EFHD1: variants seen among roughly 807,000 people sequenced by gnomAD.
EFHD1 encodes the protein EF-hand domain family member D1.
Under a neutral mutation model 17.2 loss-of-function variants are expected in EFHD1, and 10 were observed. The observed-to-expected ratio is 0.58, with a 90% CI of 0.36 to 0.99. The LOEUF (loss-of-function observed/expected upper bound fraction) is 0.99. EFHD1 is among the 50% of genes least tolerant of loss of function. The probability of loss-of-function intolerance (pLI) is 0.01; values close to 1 mark genes in which losing one functional copy is unlikely to be tolerated. For synonymous variants in EFHD1, 153 were observed against 142.0 expected (o/e 1.08, Z -0.55); for missense variants, 310 against 327.5 (o/e 0.95, Z 0.41).
intron 1 of EFHD1, among the ~76,000 whole-genome samples, chr2:232,613,701 CACAT>C (rs1439959568): frequency 2.8e-5 from 4 of 142,442 alleles, no homozygotes; most frequent in South Asian, 4.4e-4. Context: ...AATATACACA[CACAT>C]ACACACACAA....
intron 1 of EFHD1, among the ~76,000 whole-genome samples, chr2:232,624,569 A>G (rs1195202333): frequency 6.6e-6 from 1 of 152,256 alleles, no homozygotes; most frequent in Non-Finnish European, 1.5e-5. Context: ...CTGTGCTAAT[A>G]AAAGAGATGG....
intron 2 of EFHD1, among the ~76,000 whole-genome samples, chr2:232,666,398 G>T (rs1032373655): frequency 2.6e-5 from 4 of 152,228 alleles, no homozygotes; most frequent in Non-Finnish European, 2.9e-5. Flanking sequence ...AGTATAGAAG[G>T]CAGAGACTTT....
chr2:232,669,005 C>T (rs1339553166), intron 2 of EFHD1, among the ~76,000 whole-genome samples: 1 of 152,196 alleles, frequency 6.6e-6, no homozygotes, highest in Non-Finnish European at 1.5e-5. Context: ...TGCCTGTTCT[C>T]TTTGCCTCGT....
intron 1 of EFHD1, among the ~76,000 whole-genome samples, chr2:232,613,335 A>G (rs1217164673): frequency 6.6e-6 from 1 of 151,996 alleles, no homozygotes; most frequent in Non-Finnish European, 1.5e-5. Flanking sequence ...GAGGCAGAAG[A>G]ATCACTTGAA....
At chr2:232,656,609 T>A (rs115983761) in intron 1 of EFHD1, among the ~76,000 whole-genome samples, 214 of 152,006 alleles carry the variant, frequency 1.4e-3, no homozygotes, top group African/African-American at 4.7e-3. Flanking sequence ...CTAATTTTTT[T>A]ATATTTTTGA....
chr2:232,642,032 C>G (rs371019923), intron 1 of EFHD1, among the ~76,000 whole-genome samples: 121 of 152,318 alleles, frequency 7.9e-4, no homozygotes, highest in African/African-American at 2.4e-3. Flanking sequence ...GCTTGCCTTC[C>G]TATGGCTTCC....
At chr2:232,676,830 G>C (rs1487073913) in intron 3 of EFHD1, among the ~76,000 whole-genome samples, 1 of 152,034 alleles carries the variant, frequency 6.6e-6, no homozygotes, top group East Asian at 1.9e-4. Flanking sequence ...TGCTATTTTG[G>C]AGTACAGGAG....
intron 1 of EFHD1, among the ~76,000 whole-genome samples, chr2:232,609,100 C>T (rs1254238745): frequency 7.4e-6 from 1 of 135,862 alleles, no homozygotes; most frequent in Non-Finnish European, 1.6e-5. Context: ...TGCTCTGTCA[C>T]CCAGGCTGGA....
intron 1 of EFHD1, among the ~76,000 whole-genome samples, chr2:232,653,384 A>G (rs756604874): frequency 2.0e-5 from 3 of 151,960 alleles, no homozygotes; most frequent in Non-Finnish European, 4.4e-5. Flanking sequence ...TCCACCTCCC[A>G]GGTTCAAGCA....
chr2:232,609,854 G>A (rs780286031), intron 1 of EFHD1, among the ~76,000 whole-genome samples: 16 of 152,208 alleles, frequency 1.1e-4, no homozygotes, highest in Admixed American at 9.8e-4. Flanking sequence ...GACCCGGCCA[G>A]GGGAGTGGTG....
chr2:232,626,976 C>T (rs1045531749), intron 1 of EFHD1, among the ~76,000 whole-genome samples: 6 of 149,898 alleles, frequency 4.0e-5, no homozygotes, highest in African/African-American at 1.5e-4. Context: ...ACTTGAGCCC[C>T]AAGTTCAAGA....
intron 1 of EFHD1, among the ~76,000 whole-genome samples, chr2:232,647,107 T>TA (rs1225188816): frequency 6.6e-6 from 1 of 152,250 alleles, no homozygotes; most frequent in Non-Finnish European, 1.5e-5. Context: ...GACCACCTTC[T>TA]CAGGTTGTGC....
rs529839316 is a variant in EFHD1 at position 232,678,512 on chromosome 2, C to T, written c.586-3073C>T. 7.2e-5 allele frequency among the ~76,000 whole-genome samples: 11 copies of T among 152,192 alleles called. No individual in the cohort carries two copies. The East Asian group carries it at 1.2e-3, about 16-fold the overall frequency. ...ACGATAAAAGAATATTGGCCGGGCG[C>T]GGTGGCTCATGCCTGTAATCCTAGG... is the stretch of plus-strand genomic sequence containing the variant. On this transcript the variant is annotated intron_variant, in intron 3 of 3. Transcript: ENST00000264059.
intron 1 of EFHD1, among the ~76,000 whole-genome samples, chr2:232,621,801 A>G (rs959630727): frequency 1.3e-5 from 2 of 152,146 alleles, no homozygotes; most frequent in Non-Finnish European, 2.9e-5. Flanking sequence ...AGTTCAAAGA[A>G]GTTAAGTAAC....
Position 232,681,753 on chromosome 2 carries a change from C to T in EFHD1, c.*34C>T. 1 of 1,606,606 alleles carries T rather than the reference C, an allele frequency of 6.2e-7. No individual in the cohort carries two copies. The highest frequency in any genetic ancestry group is 8.5e-7 in the Non-Finnish European group (1 of 1,176,556). ...ACCTTGCCCTCTGCCCACAGCTGTGCCTCACAGATGCCCCGAGAAGAGATG... is the reference window on the plus strand; with the variant it reads ...ACCTTGCCCTCTGCCCACAGCTGTGTCTCACAGATGCCCCGAGAAGAGATG... On this transcript the variant is annotated 3_prime_UTR_variant, in exon 4 of 4. Transcript: ENST00000264059.
chr2:232,619,459 T>G (rs924918436), intron 1 of EFHD1, among the ~76,000 whole-genome samples: 3 of 151,612 alleles, frequency 2.0e-5, no homozygotes, highest in African/African-American at 7.3e-5. Context: ...TACAGGCGCC[T>G]GACACCATGC....
At chr2:232,637,238 G>T (rs1446314359) in intron 1 of EFHD1, among the ~76,000 whole-genome samples, 1 of 151,960 alleles carries the variant, frequency 6.6e-6, no homozygotes, top group Non-Finnish European at 1.5e-5. Context: ...GTGGTTGCCA[G>T]AATTCTTGGT....
At chr2:232,633,391 G>C, upstream of EFHD1, 2 of 1,103,438 alleles carry the variant, frequency 1.8e-6, no homozygotes, top group Non-Finnish European at 2.3e-6. Flanking sequence ...CTGGTCCCGG[G>C]GGGACGGTCA....
intron 1 of EFHD1, among the ~76,000 whole-genome samples, chr2:232,621,297 T>C (rs1694013235): frequency 6.6e-6 from 1 of 152,044 alleles, no homozygotes; most frequent in South Asian, 2.1e-4. Flanking sequence ...TGGAACCAAT[T>C]TCCCCCATCC....
Sources: allele counts gnomAD v4.1 joint callset (sites outside exome capture counted in the v4.1 genomes callset), GRCh38; gene constraint gnomAD v4.1.1; transcripts MANE v1.5; gene names NCBI Gene and HGNC (gene_info 2026-07-23, HGNC 2026-07-21).